SULF2: variants seen among roughly 807,000 people sequenced by gnomAD.
SULF2 encodes the protein extracellular sulfatase Sulf-2.
Under a neutral mutation model 107.7 loss-of-function variants are expected in SULF2, and 52 were observed. That is an observed-to-expected ratio of 0.48 (90% CI 0.39 to 0.61). The LOEUF is 0.61. Among genes scored for constraint, SULF2 ranks in the 20% least tolerant of loss-of-function variants. The pLI is 0.00. For missense variants in SULF2, 993 were observed against 1,177.3 expected, an observed-to-expected ratio of 0.84 and a Z score of 2.29; for synonymous variants, 460 against 464.3, an observed-to-expected ratio of 0.99 and a Z score of 0.12.
chr20:47,720,632 C>A (rs567103474), intron 3 of SULF2, among the ~76,000 whole-genome samples: 1 of 150,182 alleles, frequency 6.7e-6, no homozygotes, highest in Non-Finnish European at 1.5e-5. Context: ...TCTTGTAACT[C>A]TGACAGAAAT....
In SULF2 at chr20:47,658,302, T is replaced by C. The variant is rs946314217; in HGVS notation, c.*60A>G. ...TGCTGGAAATCACCCACATGGTTTT[T>C]CATTGCCTGTGCAGTCAGGTGATGC... On this transcript the variant is annotated 3_prime_UTR_variant, in exon 21 of 21. Coordinates refer to ENST00000688720, the MANE Select transcript of SULF2 (RefSeq NM_001387048.1). The C allele has an allele frequency of 4.7e-5, 75 of 1,584,562 alleles. No homozygotes were observed. The highest frequency in any genetic ancestry group is 6.5e-5 in the Non-Finnish European group (75 of 1,153,010).
intron 3 of SULF2, among the ~76,000 whole-genome samples, chr20:47,712,015 A>G (rs1203169266): frequency 6.6e-6 from 1 of 152,268 alleles, no homozygotes; most frequent in Admixed American, 6.5e-5. Flanking sequence ...GCAGGAAAAT[A>G]CAGTAAAAGC....
chr20:47,738,400 G>A (rs1464050565), intron 2 of SULF2, among the ~76,000 whole-genome samples: 1 of 152,202 alleles, frequency 6.6e-6, no homozygotes, highest in African/African-American at 2.4e-5. Context: ...AAGGTGTGCA[G>A]TGGGTTGAAC....
intron 18 of SULF2, among the ~76,000 whole-genome samples, chr20:47,660,881 G>A (rs778968515): frequency 2.0e-5 from 3 of 152,002 alleles, no homozygotes; most frequent in Non-Finnish European, 2.9e-5. Flanking sequence ...TCCTAATCCC[G>A]CACCTCCCAT....
At chr20:47,770,449 G>T (rs980954571) in intron 1 of SULF2, among the ~76,000 whole-genome samples, 1 of 152,168 alleles carries the variant, frequency 6.6e-6, no homozygotes, top group African/African-American at 2.4e-5. Context: ...CCACTGAGAT[G>T]ACTAGGTGGG....
At chr20:47,754,215 T>C (rs1012170224) in intron 2 of SULF2, among the ~76,000 whole-genome samples, 1 of 152,196 alleles carries the variant, frequency 6.6e-6, no homozygotes, top group African/African-American at 2.4e-5. Flanking sequence ...CTAATGAGGA[T>C]GGACGTCTGT....
intron 10 of SULF2, among the ~76,000 whole-genome samples, chr20:47,674,430 C>T (rs1190700718): frequency 2.0e-5 from 3 of 152,230 alleles, no homozygotes; most frequent in African/African-American, 4.8e-5. Context: ...TCAGTTTCCC[C>T]GTGTACAGAA....
chr20:47,740,215 C>T (rs565300565), intron 2 of SULF2, among the ~76,000 whole-genome samples: 8 of 152,312 alleles, frequency 5.3e-5, no homozygotes, highest in Non-Finnish European at 7.3e-5. Context: ...GGGAACTGAA[C>T]CTGGGGAGCT....
chr20:47,707,841 C>T (rs770882286), intron 3 of SULF2, among the ~76,000 whole-genome samples: 6 of 152,136 alleles, frequency 3.9e-5, no homozygotes, highest in South Asian at 4.1e-4. Flanking sequence ...TACAGAGCCC[C>T]GACACTTTCT....
Position 47,661,766 on chromosome 20 carries a change from TA to T in SULF2, c.2494+6del. 6.5e-7 allele frequency: 1 copy of T among 1,528,544 alleles called. No homozygotes were observed. The highest frequency in any genetic ancestry group is 8.9e-7 in the Non-Finnish European group (1 of 1,122,678). The allele number at this position is 1,528,544 out of a possible 1,614,324, so 94.7% of individuals were successfully genotyped here. On this transcript the variant is annotated splice_donor_region_variant and intron_variant, in intron 18 of 20. Coordinates refer to ENST00000688720, the MANE Select transcript of SULF2 (RefSeq NM_001387048.1). ...TCCAAGGGCCCCACGTTGGGGTGCC[TA>T]CTCACCCAGGTCCATGTTTCGAGTC...
At chr20:47,752,767 TA>T (rs2090187291) in intron 2 of SULF2, among the ~76,000 whole-genome samples, 1 of 148,350 alleles carries the variant, frequency 6.7e-6, no homozygotes, top group Non-Finnish European at 1.5e-5. Context: ...TATAAACAAA[TA>T]AAAATAAAGA....
chr20:47,753,098 C>CAAAAAAAAAAAAAAAAAAA (rs10578438), intron 2 of SULF2, among the ~76,000 whole-genome samples: 1 of 90,686 alleles, frequency 1.1e-5, no homozygotes, highest in African/African-American at 4.6e-5. Context: ...GAGACTCTCT[C>CAAAAAAAAAAAAAAAAAAA]AAAAAAAAAA....
chr20:47,765,658 T>G (rs1216061296), intron 1 of SULF2, among the ~76,000 whole-genome samples: 1 of 152,182 alleles, frequency 6.6e-6, no homozygotes, highest in East Asian at 1.9e-4. Flanking sequence ...TGTGAGGCAG[T>G]GTTCAGTGAT....
chr20:47,659,182 C>T (rs1235163990), intron 20 of SULF2, among the ~76,000 whole-genome samples: 6 of 152,240 alleles, frequency 3.9e-5, no homozygotes, highest in East Asian at 1.9e-4. Context: ...CAGATTATAG[C>T]GAGAACAGCA....
chr20:47,761,696 G>A (rs1427108539), intron 1 of SULF2, among the ~76,000 whole-genome samples: 1 of 152,176 alleles, frequency 6.6e-6, no homozygotes, highest in Non-Finnish European at 1.5e-5. Flanking sequence ...TCTGCTGGAG[G>A]TAACTGGAGG....
intron 3 of SULF2, among the ~76,000 whole-genome samples, chr20:47,720,548 C>A (rs1371012976): frequency 7.0e-6 from 1 of 143,364 alleles, no homozygotes; most frequent in African/African-American, 2.6e-5. Context: ...CTATCATAAT[C>A]TTTTTTTTTT....
intron 20 of SULF2, 122 bp downstream of exon 20, chr20:47,659,277 C>G (rs750278906): frequency 6.0e-6 from 5 of 837,190 alleles, no homozygotes; most frequent in Admixed American, 6.0e-5. Context: ...ACTTCCCCCC[C>G]ACCCTCATCA....
At chr20:47,705,512 A>G (rs1610376) in intron 3 of SULF2, among the ~76,000 whole-genome samples, 129,250 of 152,206 alleles carry the variant, frequency 0.85, 55,165 homozygotes, top group East Asian at 0.95. Flanking sequence ...AAAGGCCTGC[A>G]CTTCTCTTTC....
chr20:47,663,338 C>T (rs561762977), intron 16 of SULF2, 115 bp downstream of exon 16: 10 of 1,574,490 alleles, frequency 6.4e-6, no homozygotes, highest in East Asian at 4.5e-5. Context: ...TCCCGAGCAC[C>T]GTGGACCCCT....
Sources: gnomAD v4.1 joint callset for allele counts (sites outside exome capture counted in the v4.1 genomes callset) on GRCh38, gnomAD v4.1.1 for gene constraint, MANE v1.5 for transcripts, NCBI Gene and HGNC (gene_info 2026-07-23, HGNC 2026-07-21) for gene names.